C3orf49: variants seen among roughly 807,000 people sequenced by gnomAD.
The protein encoded by C3orf49 is putative uncharacterized protein C3orf49.
C3orf49 carries 27 observed loss-of-function variants against 13.3 expected under a neutral mutation model. That is an observed-to-expected ratio of 2.02 (90% confidence interval 1.49 to 2.79). The LOEUF is 2.79. C3orf49 is among the 30% of genes most tolerant of loss of function. C3orf49 has a pLI of 0.00. For missense variants in C3orf49, 242 were observed against 134.2 expected (o/e 1.80, Z -3.97); for synonymous variants, 87 against 47.6 (o/e 1.83, Z -3.40).
chr3:63,794,146 C>G, the C3orf49 span, among the ~76,000 whole-genome samples: 6 of 150,402 alleles, frequency 4.0e-5, no homozygotes, highest in Non-Finnish European at 7.4e-5. Flanking sequence ...GAGAGCAAGA[C>G]TCCATCTCAA....
intron 5 of C3orf49, among the ~76,000 whole-genome samples, chr3:63,837,292 T>C (rs1185387545): frequency 6.6e-6 from 1 of 152,022 alleles, no homozygotes; most frequent in Non-Finnish European, 1.5e-5. Flanking sequence ...TTTTCTATTT[T>C]CTTCTAGTTT....
the C3orf49 span, among the ~76,000 whole-genome samples, chr3:63,802,446 GTTA>G: frequency 5.3e-5 from 8 of 152,324 alleles, no homozygotes; most frequent in South Asian, 1.7e-3. Context: ...TGTAGAAACA[GTTA>G]TTAACTCATT....
the C3orf49 span, chr3:63,786,979 T>C: frequency 1.3e-5 from 2 of 152,196 alleles, no homozygotes; most frequent in African/African-American, 4.8e-5. Context: ...AGAGAATTAA[T>C]ATCAAGAGTT....
chr3:63,792,139 G>C, the C3orf49 span, among the ~76,000 whole-genome samples: 6 of 152,200 alleles, frequency 3.9e-5, no homozygotes, highest in Admixed American at 1.3e-4. Context: ...ATTTAGCAAT[G>C]GCATGACTAC....
the C3orf49 span, among the ~76,000 whole-genome samples, chr3:63,781,534 A>G: frequency 6.6e-6 from 1 of 152,148 alleles, no homozygotes. Context: ...GAAGAAAGTC[A>G]TTGGTAGCTT....
At position 63,832,149 on chromosome 3, in the gene C3orf49, G is replaced by A. The variant is rs555505018; in HGVS notation, c.849+305G>A. On this transcript the variant is annotated intron_variant, in intron 5 of 6. Transcript: ENST00000295896. The stretch of plus-strand genomic sequence containing the variant: ...GCAGAGGCTGCAGTGAGCCGAGATC[G>A]CACCACTGCACTCCAGCCTGGGCGA... The A allele has an allele frequency of 7.4e-4, 175 of 237,848 alleles. 1 individual carries two copies. Among genetic ancestry groups the A allele is most frequent in the Non-Finnish European group, 9.4e-4 (118 of 125,208 alleles). The allele number at this position is 237,848 out of a possible 1,614,324, so 14.7% of individuals were successfully genotyped here.
chr3:63,822,545 G>A (rs894480052), intron 1 of C3orf49, among the ~76,000 whole-genome samples: 1 of 152,190 alleles, frequency 6.6e-6, no homozygotes, highest in Non-Finnish European at 1.5e-5. Flanking sequence ...GTGTGAAGTA[G>A]AGATGAGAAT....
the C3orf49 span, among the ~76,000 whole-genome samples, chr3:63,807,246 C>T: frequency 3.3e-5 from 5 of 152,112 alleles, no homozygotes; most frequent in Non-Finnish European, 4.4e-5. Flanking sequence ...CCACTGCACC[C>T]GGGCCCTCAT....
intron 2 of C3orf49, chr3:63,827,317 G>A (rs1033785243): frequency 8.0e-6 from 2 of 249,406 alleles, no homozygotes; most frequent in African/African-American, 4.4e-5. Context: ...ATTCCACAAT[G>A]GTTCAGGGGA....
intron 5 of C3orf49, chr3:63,835,055 A>T: frequency 8.6e-7 from 1 of 1,160,520 alleles, no homozygotes; most frequent in Non-Finnish European, 1.2e-6. Flanking sequence ...CAGAAATTGA[A>T]GGTATACTGT....
chr3:63,817,219 A>T (rs909468466), upstream of C3orf49, among the ~76,000 whole-genome samples: 1 of 152,172 alleles, frequency 6.6e-6, no homozygotes, highest in East Asian at 1.9e-4. Context: ...CTCATTGGAC[A>T]GGCTTTCCTA....
At chr3:63,815,570 G>C (rs1701314625), upstream of C3orf49, among the ~76,000 whole-genome samples, 1 of 151,930 alleles carries the variant, frequency 6.6e-6, no homozygotes, top group Non-Finnish European at 1.5e-5. Flanking sequence ...GTGAACCTTT[G>C]CTCATGTCGT....
chr3:63,801,777 T>C, the C3orf49 span, among the ~76,000 whole-genome samples: 1 of 141,420 alleles, frequency 7.1e-6, no homozygotes, highest in Non-Finnish European at 1.5e-5. Flanking sequence ...AGAGCATCTA[T>C]GTAGACATAT....
At chr3:63,836,524 A>G (rs1017227562) in intron 5 of C3orf49, among the ~76,000 whole-genome samples, 2 of 152,062 alleles carry the variant, frequency 1.3e-5, no homozygotes, top group African/African-American at 2.4e-5. Flanking sequence ...AGTTATAATT[A>G]TAACGATACA....
At chr3:63,805,519 A>T in the C3orf49 span, among the ~76,000 whole-genome samples, 1 of 152,208 alleles carries the variant, frequency 6.6e-6, no homozygotes, top group African/African-American at 2.4e-5. Context: ...GGTCAGAGAC[A>T]AAGGACTTTA....
intron 3 of C3orf49, among the ~76,000 whole-genome samples, chr3:63,830,329 G>A (rs1379889010): frequency 6.6e-6 from 1 of 152,216 alleles, no homozygotes; most frequent in Non-Finnish European, 1.5e-5. Flanking sequence ...ACTTTAGATA[G>A]ATCAGGGAAG....
the C3orf49 span, among the ~76,000 whole-genome samples, chr3:63,805,942 T>C: frequency 6.6e-6 from 1 of 152,208 alleles, no homozygotes; most frequent in African/African-American, 2.4e-5. Context: ...TCATTTGTTT[T>C]GGTTTTGTTT....
intron 2 of C3orf49, 74 bp downstream of exon 2, chr3:63,823,643 T>C: frequency 1.6e-6 from 1 of 631,732 alleles, no homozygotes; most frequent in Non-Finnish European, 2.8e-6. Context: ...ATTATCTTGC[T>C]ACACCAGTAT....
chr3:63,815,772 T>TTTC (rs958988573), upstream of C3orf49, among the ~76,000 whole-genome samples: 3 of 118,146 alleles, frequency 2.5e-5, no homozygotes, highest in Admixed American at 8.0e-5. Context: ...CTTTTCTTTC[T>TTTC]TTTTTTTTTT....
Sources: gnomAD v4.1 joint callset for allele counts (sites outside exome capture counted in the v4.1 genomes callset) on GRCh38, gnomAD v4.1.1 for gene constraint, MANE v1.5 for transcripts, NCBI Gene and HGNC (gene_info 2026-07-23, HGNC 2026-07-21) for gene names.